IGSF5: variants seen among roughly 807,000 people sequenced by gnomAD.
IGSF5 encodes the protein immunoglobulin superfamily member 5.
In IGSF5, 41 loss-of-function variants were observed where a neutral mutation model predicts 39.4. That is an observed-to-expected ratio of 1.04 (90% confidence interval 0.81 to 1.35). The LOEUF is 1.35. Ranked by LOEUF, IGSF5 falls within the 40% of genes most tolerant of loss-of-function variation. The pLI is 0.00. For synonymous variants in IGSF5, 183 were observed against 175.3 expected (o/e 1.04, Z -0.34); for missense variants, 487 against 494.6 (o/e 0.98, Z 0.15).
intron 2 of IGSF5, 134 bp from the exon 3 acceptor site, chr21:39,765,401 T>G: frequency 1.3e-6 from 1 of 748,804 alleles, no homozygotes; most frequent in Non-Finnish European, 2.2e-6. Context: ...GGTGTTCGGA[T>G]TCAAAAGACA....
chr21:39,794,973 T>C (rs577418559), intron 8 of IGSF5, among the ~76,000 whole-genome samples: 38 of 152,238 alleles, frequency 2.5e-4, no homozygotes, highest in Admixed American at 9.2e-4. Context: ...GGAGTGCTGA[T>C]TGATGCTCAG....
the IGSF5 span, among the ~76,000 whole-genome samples, chr21:39,715,613 A>T: frequency 5.3e-5 from 8 of 152,318 alleles, no homozygotes; most frequent in South Asian, 1.7e-3. Flanking sequence ...CTTATCCATG[A>T]CAGGTAGTGT....
chr21:39,782,405 A>G (rs1294054348), intron 5 of IGSF5, among the ~76,000 whole-genome samples: 2 of 152,224 alleles, frequency 1.3e-5, no homozygotes, highest in African/African-American at 4.8e-5. Context: ...TGTACAGTTC[A>G]GTAGCATTAA....
At chr21:39,738,414 G>A in the IGSF5 span, among the ~76,000 whole-genome samples, 6 of 152,280 alleles carry the variant, frequency 3.9e-5, no homozygotes, top group Middle Eastern at 3.4e-3. The surrounding 1 kb of genome is among the most constrained non-coding windows in gnomAD (Gnocchi z 6.4). Flanking sequence ...AGGAATTAAC[G>A]GAGCTACAGT....
At chr21:39,751,633 G>C (rs2080006368) in intron 2 of IGSF5, among the ~76,000 whole-genome samples, 1 of 151,920 alleles carries the variant, frequency 6.6e-6, no homozygotes, top group African/African-American at 2.4e-5. Flanking sequence ...GGGGGGGGTG[G>C]GGTCAGGATT....
intron 2 of IGSF5, among the ~76,000 whole-genome samples, chr21:39,749,031 T>C (rs1305722563): frequency 3.4e-5 from 5 of 146,820 alleles, no homozygotes; most frequent in Non-Finnish European, 5.9e-5. Context: ...AAAAGACAAA[T>C]TAACGGGAGA....
chr21:39,713,813 C>T, the IGSF5 span, among the ~76,000 whole-genome samples: 1 of 152,162 alleles, frequency 6.6e-6, no homozygotes, highest in East Asian at 1.9e-4. Context: ...AGCCCCAGAC[C>T]ACTGGATCCT....
intron 4 of IGSF5, among the ~76,000 whole-genome samples, chr21:39,776,879 C>A (rs1200638924): frequency 6.6e-6 from 1 of 152,168 alleles, no homozygotes; most frequent in African/African-American, 2.4e-5. Flanking sequence ...CAGCCAGCTC[C>A]CTTATTAAGA....
intron 2 of IGSF5, among the ~76,000 whole-genome samples, chr21:39,755,743 G>A (rs1164280498): frequency 6.6e-6 from 1 of 152,118 alleles, no homozygotes; most frequent in Non-Finnish European, 1.5e-5. Flanking sequence ...TGAGTCTATT[G>A]TAGATTATTG....
intron 8 of IGSF5, among the ~76,000 whole-genome samples, chr21:39,795,405 C>T (rs1323529683): frequency 6.6e-6 from 1 of 152,086 alleles, no homozygotes; most frequent in Non-Finnish European, 1.5e-5. Flanking sequence ...ATTTCCACAG[C>T]CCTTCCGTGG....
chr21:39,763,174 G>A (rs1440287214), intron 2 of IGSF5, among the ~76,000 whole-genome samples: 1 of 152,172 alleles, frequency 6.6e-6, no homozygotes, highest in Non-Finnish European at 1.5e-5. Flanking sequence ...CTGCGGCGTG[G>A]TTTACTTAGG....
the IGSF5 span, among the ~76,000 whole-genome samples, chr21:39,713,942 T>G: frequency 8.0e-3 from 1,212 of 152,340 alleles, 24 homozygotes; most frequent in African/African-American, 0.027. Flanking sequence ...TGTGTCCACA[T>G]AGTGGACCAA....
At chr21:39,741,673 G>A (rs75027406), upstream of IGSF5, among the ~76,000 whole-genome samples, 97 of 152,260 alleles carry the variant, frequency 6.4e-4, no homozygotes, top group East Asian at 0.016. Context: ...AACCCTTGGG[G>A]TAAAACAGTC....
intron 5 of IGSF5, among the ~76,000 whole-genome samples, chr21:39,783,572 G>GT (rs2080182391): frequency 6.6e-6 from 1 of 152,030 alleles, no homozygotes; most frequent in Non-Finnish European, 1.5e-5. Flanking sequence ...ACATTGCATT[G>GT]TTTTTTTGCT....
intron 4 of IGSF5, 46 bp downstream of exon 4, chr21:39,771,261 T>A: frequency 6.8e-7 from 1 of 1,463,932 alleles, no homozygotes; most frequent in Non-Finnish European, 9.1e-7. Flanking sequence ...GATTATTTCA[T>A]GCTTCAATAT....
chr21:39,770,776 G>A, intron 3 of IGSF5, 140 bp from the exon 4 acceptor site: 1 of 509,874 alleles, frequency 2.0e-6, no homozygotes, highest in African/African-American at 2.0e-5. Flanking sequence ...TAGAGACACA[G>A]CCTCTTTGGG....
chr21:39,714,773 G>A, the IGSF5 span, among the ~76,000 whole-genome samples: 4 of 152,214 alleles, frequency 2.6e-5, no homozygotes, highest in Non-Finnish European at 5.9e-5. Flanking sequence ...GCTCACCCTA[G>A]TGACCTTATC....
intron 4 of IGSF5, among the ~76,000 whole-genome samples, chr21:39,777,089 G>A (rs985848951): frequency 6.6e-6 from 1 of 152,152 alleles, no homozygotes; most frequent in African/African-American, 2.4e-5. Context: ...AGAAATGCTG[G>A]TCATGAGATT....
intron 5 of IGSF5, among the ~76,000 whole-genome samples, chr21:39,787,099 A>C (rs1253239674): frequency 6.6e-6 from 1 of 152,170 alleles, no homozygotes; most frequent in Non-Finnish European, 1.5e-5. Flanking sequence ...CCGAAAACTT[A>C]AAGTATTAAA....
Sources: gnomAD v4.1 joint callset for allele counts (sites outside exome capture counted in the v4.1 genomes callset) on GRCh38, gnomAD v4.1.1 for gene constraint, Gnocchi (gnomAD v3.1) non-coding constraint, MANE v1.5 for transcripts, NCBI Gene and HGNC (gene_info 2026-07-23, HGNC 2026-07-21) for gene names.